Variants in MAGI1 observed in about 807,000 individuals in gnomAD.
MAGI1 encodes membrane-associated guanylate kinase, WW and PDZ domain-containing protein 1.
A neutral mutation model predicts 139.9 loss-of-function variants in MAGI1; 58 were observed. That is an observed-to-expected ratio of 0.41 (90% CI 0.34 to 0.52). The LOEUF (loss-of-function observed/expected upper bound fraction) is 0.52. Ranked by LOEUF, MAGI1 falls within the 20% of genes least tolerant of loss-of-function variation. MAGI1 has a pLI of 0.12. For synonymous variants in MAGI1, 812 were observed against 737.9 expected (o/e 1.10, Z -1.63); for missense variants, 1,874 against 1,901.6 (o/e 0.99, Z 0.27).
chr3:65,427,849 A>G (rs1947169837), intron 12 of MAGI1, among the ~76,000 whole-genome samples: 1 of 152,122 alleles, frequency 6.6e-6, no homozygotes, highest in Admixed American at 6.6e-5. Context: ...CATCATCATT[A>G]TTGTCATAAT....
chr3:65,474,136 G>T (rs780663778), intron 4 of MAGI1, among the ~76,000 whole-genome samples: 2 of 152,120 alleles, frequency 1.3e-5, no homozygotes, highest in African/African-American at 4.8e-5. Flanking sequence ...GTAGTGGCAC[G>T]TGTCCATAGT....
intron 1 of MAGI1, chr3:65,688,591 G>A (rs994811851): frequency 1.7e-5 from 5 of 302,878 alleles, no homozygotes; most frequent in African/African-American, 4.3e-5. Flanking sequence ...AAGATAGCAG[G>A]AAGGGAAATA....
intron 1 of MAGI1, among the ~76,000 whole-genome samples, chr3:65,779,287 A>G (rs2038736421): frequency 6.6e-6 from 1 of 152,116 alleles, no homozygotes; most frequent in Non-Finnish European, 1.5e-5. Context: ...CCTCTTCTCC[A>G]TGTAAATGTG....
chr3:65,836,838 G>A (rs911468740), intron 1 of MAGI1, among the ~76,000 whole-genome samples: 2 of 152,078 alleles, frequency 1.3e-5, no homozygotes, highest in Non-Finnish European at 2.9e-5. Context: ...AAGAGAGAAA[G>A]AGCGAGCTGT....
intron 2 of MAGI1, among the ~76,000 whole-genome samples, chr3:65,560,244 TA>T (rs1256272052): frequency 6.6e-6 from 1 of 152,212 alleles, no homozygotes; most frequent in African/African-American, 2.4e-5. Context: ...TTACTGCCGC[TA>T]AATCAGCCTG....
intron 1 of MAGI1, among the ~76,000 whole-genome samples, chr3:65,629,090 C>G (rs1044836353): frequency 6.6e-6 from 1 of 152,064 alleles, no homozygotes; most frequent in African/African-American, 2.4e-5. Flanking sequence ...CTGTTACATA[C>G]CAACTCTTAC....
intron 1 of MAGI1, among the ~76,000 whole-genome samples, chr3:65,712,508 T>G (rs915009943): frequency 1.3e-5 from 2 of 151,140 alleles, no homozygotes; most frequent in African/African-American, 4.9e-5. Flanking sequence ...TTTGTTTTTG[T>G]TTTTGTTGTT....
chr3:65,748,608 T>A (rs1461000445), intron 1 of MAGI1, among the ~76,000 whole-genome samples: 2 of 152,232 alleles, frequency 1.3e-5, no homozygotes, highest in African/African-American at 4.8e-5. Flanking sequence ...CTGATACTTA[T>A]TAAACACCTA....
At chr3:65,870,010 T>C (rs537663309) in intron 1 of MAGI1, among the ~76,000 whole-genome samples, 4 of 152,312 alleles carry the variant, frequency 2.6e-5, no homozygotes, top group Admixed American at 6.5e-5. Flanking sequence ...GCTCAGGCCA[T>C]TGATTACTAC....
chr3:65,667,905 G>A (rs574878382), intron 1 of MAGI1, among the ~76,000 whole-genome samples: 17 of 152,254 alleles, frequency 1.1e-4, no homozygotes, highest in African/African-American at 3.9e-4. Flanking sequence ...CCTGCAGCTG[G>A]ACATGTGTAT....
At chr3:65,541,992 C>G (rs1018776259) in intron 2 of MAGI1, among the ~76,000 whole-genome samples, 3 of 152,142 alleles carry the variant, frequency 2.0e-5, no homozygotes, top group African/African-American at 7.2e-5. Context: ...TCCCTGTCTG[C>G]AGATTACATG....
intron 2 of MAGI1, among the ~76,000 whole-genome samples, chr3:65,599,904 G>A (rs143793643): frequency 9.8e-4 from 150 of 152,286 alleles, no homozygotes; most frequent in Non-Finnish European, 1.5e-3. Flanking sequence ...ACATCTACTT[G>A]CAGGAAGGTG....
chr3:65,467,595 A>C (rs1302476998), intron 5 of MAGI1, among the ~76,000 whole-genome samples: 3 of 152,196 alleles, frequency 2.0e-5, no homozygotes, highest in Non-Finnish European at 4.4e-5. Context: ...GCTAAAACCT[A>C]AGTTATAAAA....
At chr3:65,985,278 G>C (rs575121063) in intron 1 of MAGI1, among the ~76,000 whole-genome samples, 29 of 152,248 alleles carry the variant, frequency 1.9e-4, no homozygotes, top group African/African-American at 6.5e-4. Context: ...AGTAAGGCCA[G>C]AGAAGCATTC....
chr3:65,579,389 TAAGTG>T (rs1359528436), intron 2 of MAGI1, among the ~76,000 whole-genome samples: 1 of 152,148 alleles, frequency 6.6e-6, no homozygotes. Context: ...TTTCTGTGGT[TAAGTG>T]AAGTGATTAC....
chr3:65,907,998 C>A (rs1157795414), intron 1 of MAGI1, among the ~76,000 whole-genome samples: 1 of 152,142 alleles, frequency 6.6e-6, no homozygotes, highest in East Asian at 1.9e-4. Context: ...ATCTGAAATT[C>A]TTACGATTCA....
In MAGI1 at chr3:65,770,724, C is replaced by A. The variant is rs939293541; in HGVS notation, c.314-148636G>T. The stretch of plus-strand genomic sequence containing the variant: ...ATTTATTTTGAAGTGGAGTCTCGCT[C>A]TGTCACCAGGCTGGAGTGCAGTGGC... On this transcript the variant is annotated intron_variant, in intron 1 of 22. Transcript: ENST00000402939. Among the ~76,000 whole-genome samples, 4 of 152,216 alleles carry A rather than the reference C, an allele frequency of 2.6e-5. No homozygotes were observed. The East Asian group carries it at 7.8e-4, about 30-fold the overall frequency.
chr3:65,472,825 G>GGAAATCTGTATTTTTATGTAAAATCTCCC (rs1950635455), intron 4 of MAGI1, among the ~76,000 whole-genome samples: 3 of 152,134 alleles, frequency 2.0e-5, no homozygotes, highest in Non-Finnish European at 4.4e-5. Context: ...AAGACAAGTT[G>GGAAATCTGTATTTTTATGTAAAATCTCCC]GAAATCTGTA....
At chr3:65,937,126 C>T (rs1178219433) in intron 1 of MAGI1, among the ~76,000 whole-genome samples, 1 of 152,148 alleles carries the variant, frequency 6.6e-6, no homozygotes. Context: ...AAGAGAATCT[C>T]ATCAGGGAAA....
Sources: allele counts gnomAD v4.1 joint callset (sites outside exome capture counted in the v4.1 genomes callset), GRCh38; gene constraint gnomAD v4.1.1; transcripts MANE v1.5; gene names NCBI Gene and HGNC (gene_info 2026-07-23, HGNC 2026-07-21).